Variants in COPS2 observed in about 807,000 individuals in gnomAD.
COPS2 encodes COP9 signalosome complex subunit 2.
COPS2 carries 10 observed loss-of-function variants against 66.1 expected under a neutral mutation model. The ratio of observed to expected loss-of-function variants is 0.15; its 90% CI spans 0.09 to 0.26. COPS2 has a LOEUF of 0.26. COPS2 is among the 10% of genes least tolerant of loss of function. The probability of loss-of-function intolerance (pLI) is 1.00; values close to 1 mark genes in which losing one functional copy is unlikely to be tolerated. For missense variants in COPS2, 215 were observed against 513.3 expected, an observed-to-expected ratio of 0.42 and a Z score of 5.62; for synonymous variants, 179 against 171.3, an observed-to-expected ratio of 1.04 and a Z score of -0.35.
intron 1 of COPS2, among the ~76,000 whole-genome samples, chr15:49,153,438 A>T (rs2084376155): frequency 6.6e-6 from 1 of 152,098 alleles, no homozygotes; most frequent in Non-Finnish European, 1.5e-5. Flanking sequence ...AGAAAACAGA[A>T]CTCTTCTACA....
At chr15:49,150,917 A>G (rs1024220079) in intron 1 of COPS2, among the ~76,000 whole-genome samples, 12 of 152,314 alleles carry the variant, frequency 7.9e-5, no homozygotes, top group Admixed American at 7.2e-4. Context: ...GTTAAAAAAA[A>G]TAAATAAAAC....
At chr15:49,153,594 G>A (rs1243752122) in intron 1 of COPS2, among the ~76,000 whole-genome samples, 1 of 152,172 alleles carries the variant, frequency 6.6e-6, no homozygotes, top group Admixed American at 6.5e-5. Context: ...TGCACTCCAT[G>A]TTCATTGCAG....
At chr15:49,129,426 C>T in intron 11 of COPS2, 51 bp downstream of exon 11, 2 of 712,818 alleles carry the variant, frequency 2.8e-6, no homozygotes, top group East Asian at 3.3e-5. Context: ...TGGTATACTG[C>T]ATTTATAACT....
At chr15:49,152,714 T>TA (rs1325405934) in intron 1 of COPS2, among the ~76,000 whole-genome samples, 1 of 151,894 alleles carries the variant, frequency 6.6e-6, no homozygotes, top group Non-Finnish European at 1.5e-5. Flanking sequence ...TCTCAGCTAC[T>TA]AAGGAGGCTG....
chr15:49,132,617 CATTTTTCCAGCTGTGGTAAA>C (rs1166252235), intron 9 of COPS2, among the ~76,000 whole-genome samples: 2 of 136,266 alleles, frequency 1.5e-5, no homozygotes, highest in African/African-American at 2.7e-5. Flanking sequence ...TCCCTAACTA[CATTTTTCCAGCTGTGGTAAA>C]ACTCAGCTGT....
intron 9 of COPS2, among the ~76,000 whole-genome samples, chr15:49,132,765 A>T (rs1052470600): frequency 6.6e-6 from 1 of 151,880 alleles, no homozygotes; most frequent in African/African-American, 2.4e-5. Flanking sequence ...AGTTTCTCTT[A>T]CTCACTAATT....
intron 1 of COPS2, among the ~76,000 whole-genome samples, chr15:49,151,132 G>A (rs1396542222): frequency 1.3e-5 from 2 of 152,080 alleles, no homozygotes; most frequent in African/African-American, 4.8e-5. Context: ...CAGGCGTGGT[G>A]GCTCACGTCT....
chr15:49,138,780 G>A (rs975653320), intron 4 of COPS2, among the ~76,000 whole-genome samples: 4 of 151,940 alleles, frequency 2.6e-5, no homozygotes, highest in Non-Finnish European at 4.4e-5. Context: ...TTGATTACGA[G>A]TACAAAAAGT....
At position 49,135,799 on chromosome 15, in the gene COPS2, G is replaced by C. The variant is rs201276078; in HGVS notation, c.541-1285C>G. Among the ~76,000 whole-genome samples, 16 of 152,226 alleles carry C rather than the reference G, an allele frequency of 1.1e-4. No homozygotes were observed. The East Asian group carries it at 2.9e-3, about 28-fold the overall frequency. ...ACAATTTATACATCTAGAGTATCCT[G>C]CATCTTTCCCTGAACATACTTCCAT... On this transcript the variant is annotated intron_variant, in intron 6 of 12. Coordinates refer to ENST00000388901, the MANE Select transcript of COPS2 (RefSeq NM_004236.4).
chr15:49,155,069 T>C (rs997341280), intron 1 of COPS2, among the ~76,000 whole-genome samples: 3 of 152,202 alleles, frequency 2.0e-5, no homozygotes, highest in Admixed American at 1.3e-4. Context: ...CTGGGAGCAG[T>C]AAGGACACCC....
intron 11 of COPS2, 142 bp downstream of exon 11, chr15:49,129,335 G>T (rs1230200816): frequency 8.6e-5 from 33 of 382,734 alleles, no homozygotes. Flanking sequence ...TAAAAGTAAA[G>T]CCCTTAAGTT....
At chr15:49,142,115 T>C (rs1008186722) in intron 3 of COPS2, among the ~76,000 whole-genome samples, 1 of 152,180 alleles carries the variant, frequency 6.6e-6, no homozygotes, top group Non-Finnish European at 1.5e-5. Flanking sequence ...TTAATATTCT[T>C]GCAAACAGAA....
rs530715634 is a variant in COPS2, at chr15:49,126,600, T to C, written c.*1350A>G. The C allele has an allele frequency of 2.0e-5, 3 of 152,500 alleles. No individual in the cohort carries two copies. Among genetic ancestry groups the C allele is most frequent in the African/African-American group, 4.8e-5 (2 of 41,556 alleles). 9.4% of individuals were successfully genotyped at this position (152,500 alleles called of 1,614,324 possible). On this transcript the variant is annotated 3_prime_UTR_variant, in exon 13 of 13. Transcript: ENST00000388901. The stretch of plus-strand genomic sequence containing the variant: ...CGACACTATAAAATAATGTGAACTT[T>C]TTAAAAAATGAAACAAATACATCCA...
intron 2 of COPS2, 30 bp downstream of exon 2, chr15:49,144,935 A>G: frequency 5.6e-6 from 7 of 1,258,602 alleles, no homozygotes; most frequent in Non-Finnish European, 7.9e-6. Flanking sequence ...AAAAATTAAC[A>G]CATAGAATCA....
chr15:49,129,501 T>C lies in COPS2; in HGVS notation c.1104A>G (p.Arg368=). 1 of 1,479,640 alleles carries C rather than the reference T, an allele frequency of 6.8e-7. No homozygotes were observed. Among genetic ancestry groups the C allele is most frequent in the African/African-American group, 1.4e-5 (1 of 69,600 alleles). The allele number at this position is 1,479,640 out of a possible 1,614,324, so 91.7% of individuals were successfully genotyped here. A position where few individuals can be genotyped will look rare whatever the true frequency, so the allele number is the denominator to read the frequency against. ...VLIKLIKPYT[R]IHIPFISKEL... ...CCTTAGAAATAAAAGGAATATGTAT[T>C]CTTGTGTAAGGCTTAATTAATTTTA... is the stretch of plus-strand genomic sequence containing the variant. Residue 368 remains arginine (R), a synonymous_variant, in exon 11 of 13, where the codon AGA becomes AGG. Coordinates refer to ENST00000388901, the MANE Select transcript of COPS2 (RefSeq NM_004236.4).
intron 1 of COPS2, among the ~76,000 whole-genome samples, chr15:49,153,161 C>T (rs773839308): frequency 5.9e-4 from 90 of 152,204 alleles, no homozygotes; most frequent in African/African-American, 2.0e-3. Flanking sequence ...CATGGTGGCA[C>T]GTGCCAGTAG....
intron 6 of COPS2, among the ~76,000 whole-genome samples, chr15:49,135,980 A>G (rs2084248061): frequency 1.3e-5 from 2 of 152,198 alleles, no homozygotes; most frequent in Non-Finnish European, 2.9e-5. Flanking sequence ...TCCATTTCAT[A>G]GGGAACTGAA....
chr15:49,149,160 T>C (rs1245960691), intron 1 of COPS2, among the ~76,000 whole-genome samples: 1 of 152,212 alleles, frequency 6.6e-6, no homozygotes, highest in Non-Finnish European at 1.5e-5. Flanking sequence ...AGTTCAATAA[T>C]AGTTCCAACC....
Position 49,155,534 on chromosome 15 carries a change from G to A in COPS2, c.45C>T (p.Asp15=). The A allele has an allele frequency of 6.2e-7, 1 of 1,614,176 alleles. No individual in the cohort carries two copies. The highest frequency in any genetic ancestry group is 8.5e-7 in the Non-Finnish European group (1 of 1,180,014). Residue 15 remains aspartate (D), a synonymous_variant, in exon 1 of 13, where the codon GAC becomes GAT. Coordinates refer to ENST00000388901, the MANE Select transcript of COPS2 (RefSeq NM_004236.4). ...EDDFMCDDEE[D]YDLEYSEDSN... is the part of the protein sequence containing the mutation. ...ATTCCCTGCGCCTCACCAGGTCGTA[G>A]TCCTCCTCATCATCGCACATGAAAT...
Sources: gnomAD v4.1 joint callset for allele counts (sites outside exome capture counted in the v4.1 genomes callset) on GRCh38, gnomAD v4.1.1 for gene constraint, MANE v1.5 for transcripts, NCBI Gene and HGNC (gene_info 2026-07-23, HGNC 2026-07-21) for gene names.